CFAP47: variants seen among roughly 807,000 people sequenced by gnomAD.
CFAP47 encodes the protein cilia and flagella associated protein 47.
A neutral mutation model predicts 148.1 loss-of-function variants in CFAP47; 29 were observed. The observed-to-expected ratio is 0.20, with a 90% confidence interval of 0.15 to 0.27. The LOEUF is 0.27. Among genes scored for constraint, CFAP47 ranks in the 10% least tolerant of loss-of-function variants. CFAP47 has a pLI of 1.00. For synonymous variants in CFAP47, 664 were observed against 577.3 expected, an observed-to-expected ratio of 1.15 and a Z score of -2.15; for missense variants, 1,872 against 1,697.5, an observed-to-expected ratio of 1.10 and a Z score of -1.81.
intron 33 of CFAP47, among the ~76,000 whole-genome samples, chrX:36,105,568 A>G (rs1265462478): frequency 8.9e-6 from 1 of 112,134 alleles, no homozygotes; most frequent in South Asian, 3.6e-4. Context: ...GAAAACACCA[A>G]GATTGAAAAA....
At chrX:35,995,727 C>T (rs1408230782) in intron 18 of CFAP47, among the ~76,000 whole-genome samples, 2 of 111,143 alleles carry the variant, frequency 1.8e-5, no homozygotes, top group South Asian at 3.8e-4. Flanking sequence ...TGAAGGCTAA[C>T]GATTCATCAT....
At chrX:36,300,301 T>G (rs1556007570) in intron 52 of CFAP47, among the ~76,000 whole-genome samples, 2 of 109,067 alleles carry the variant, frequency 1.8e-5, no homozygotes, top group Non-Finnish European at 3.8e-5. Flanking sequence ...CTTATTTTTT[T>G]TTTTTTGAGA....
At position 36,364,229 on chromosome X, in the gene CFAP47, A is replaced by G. The variant is rs782214092; in HGVS notation, c.9023+2728A>G. Among the ~76,000 whole-genome samples, 3 of 110,629 alleles carry G rather than the reference A, an allele frequency of 2.7e-5. No homozygotes were observed. In the South Asian group the frequency reaches 1.1e-3, roughly 42 times the overall value. ...TTCTCCTGAAGGGTCCCACATTTTG[A>G]CTCAGCAACTTCTCATTAACTCAAA... is the stretch of plus-strand genomic sequence containing the variant. On this transcript the variant is annotated intron_variant, in intron 61 of 63. Coordinates refer to ENST00000378653, the MANE Select transcript of CFAP47 (RefSeq NM_001304548.2).
chrX:36,176,911 A>T (rs1939690158), intron 39 of CFAP47, among the ~76,000 whole-genome samples: 1 of 112,301 alleles, frequency 8.9e-6, no homozygotes, highest in African/African-American at 3.2e-5. Flanking sequence ...CTAAAAAAAT[A>T]AAAATAAAAA....
At chrX:36,024,531 C>T (rs1028882418) in intron 22 of CFAP47, among the ~76,000 whole-genome samples, 2 of 111,349 alleles carry the variant, frequency 1.8e-5, no homozygotes, top group Non-Finnish European at 3.8e-5. Context: ...GAATTGCTGT[C>T]CATGTGGGCT....
intron 15 of CFAP47, among the ~76,000 whole-genome samples, chrX:35,988,891 T>C (rs781179211): frequency 3.6e-5 from 4 of 112,105 alleles, no homozygotes; most frequent in African/African-American, 6.5e-5. Context: ...TTCTTCCTTC[T>C]GAAAGCTGAA....
In CFAP47 at chrX:36,317,073, G is replaced by A. The variant is rs1482336223; in HGVS notation, c.8345-2136G>A. Among the ~76,000 whole-genome samples, 4 of 111,961 alleles carry A rather than the reference G, an allele frequency of 3.6e-5. No individual in the cohort carries two copies. In the South Asian group the frequency reaches 1.1e-3, roughly 31 times the overall value. On this transcript the variant is annotated intron_variant, in intron 56 of 63. Coordinates refer to ENST00000378653, the MANE Select transcript of CFAP47 (RefSeq NM_001304548.2). ...AATTTCTGGGCTTATGAGCCACTGC[G>A]CCCAGCCCTCAGAGTGAATGTTGGA... is the stretch of plus-strand genomic sequence containing the variant.
chrX:36,037,223 G>A (rs1296914359), intron 24 of CFAP47, among the ~76,000 whole-genome samples: 3 of 111,672 alleles, frequency 2.7e-5, no homozygotes, highest in Admixed American at 9.6e-5. Context: ...AAATGGACTG[G>A]ACTGGTCCAT....
At chrX:35,920,473 T>C (rs932905131) in intron 1 of CFAP47, among the ~76,000 whole-genome samples, 1 of 111,978 alleles carries the variant, frequency 8.9e-6, no homozygotes, top group Non-Finnish European at 1.9e-5. Flanking sequence ...TTATTTCATA[T>C]TTTAACAAAC....
chrX:36,125,281 G>A (rs758393526), intron 33 of CFAP47, among the ~76,000 whole-genome samples: 16 of 111,524 alleles, frequency 1.4e-4, no homozygotes, highest in Non-Finnish European at 2.8e-4. Context: ...AGATGTAGTA[G>A]TGAACAACAG....
intron 33 of CFAP47, among the ~76,000 whole-genome samples, chrX:36,117,312 G>A (rs1352428609): frequency 9.0e-6 from 1 of 111,383 alleles, no homozygotes; most frequent in East Asian, 2.8e-4. Context: ...AATATTTAGG[G>A]TTTTAATGAA....
rs181545960 is a variant in CFAP47 at position 36,242,013 on chromosome X, T to C, written c.7332+5154T>C. Among the ~76,000 whole-genome samples the C allele has an allele frequency of 9.1e-4, 102 of 111,743 alleles. 1 individual carries two copies. The East Asian group carries it at 0.022, about 25-fold the overall frequency. ...AGAGTCACGTGGCTGTGTAAGAGCT[T>C]ATCTACCAGTCATTATTCTTAAGCA... On this transcript the variant is annotated intron_variant, in intron 48 of 63. Coordinates refer to ENST00000378653, the MANE Select transcript of CFAP47 (RefSeq NM_001304548.2).
At position 35,966,607 on chromosome X, in the gene CFAP47, A is replaced by C. The variant is rs1474340849; in HGVS notation, c.1453A>C (p.Lys485Gln). Residue 485 changes from lysine to glutamine, a missense_variant, in exon 9 of 64, where the codon AAA (lysine) becomes CAA (glutamine). Coordinates refer to ENST00000378653, the MANE Select transcript of CFAP47 (RefSeq NM_001304548.2). ...TGTTCCACATCAACTTGGAGTCTTC[A>C]AAGTGAAGCAGATGATAGAGATTAT... The part of the protein sequence containing the change: ...SFVPHQLGVF[K>Q]VKQMIEIIGL... 1 of 1,130,260 alleles carries C rather than the reference A, an allele frequency of 8.8e-7. No individual in the cohort carries two copies. The highest frequency in any genetic ancestry group is 1.2e-6 in the Non-Finnish European group (1 of 849,857). 93.1% of individuals were successfully genotyped at this position (1,130,260 alleles called of 1,213,427 possible). A position where few individuals can be genotyped will look rare whatever the true frequency, so the allele number is the denominator to read the frequency against.
intron 62 of CFAP47, among the ~76,000 whole-genome samples, chrX:36,371,549 GTA>G (rs1162664706): frequency 7.8e-5 from 8 of 102,504 alleles, no homozygotes; most frequent in Middle Eastern, 5.5e-3. Flanking sequence ...ATACATATGT[GTA>G]TATATATGTG....
At chrX:36,088,905 G>T (rs191615403) in intron 30 of CFAP47, among the ~76,000 whole-genome samples, 1 of 111,592 alleles carries the variant, frequency 9.0e-6, no homozygotes, top group East Asian at 2.8e-4. Flanking sequence ...TAACTAAAAA[G>T]TAGACCATCA....
At chrX:36,319,991 A>G (rs1431725123) in intron 57 of CFAP47, among the ~76,000 whole-genome samples, 1 of 110,576 alleles carries the variant, frequency 9.0e-6, no homozygotes, top group African/African-American at 3.3e-5. Flanking sequence ...CCGCATGGCT[A>G]ATTTTTGTAT....
At chrX:36,124,179 C>G (rs1046710971) in intron 33 of CFAP47, among the ~76,000 whole-genome samples, 2 of 111,434 alleles carry the variant, frequency 1.8e-5, no homozygotes, top group Non-Finnish European at 3.8e-5. Context: ...CAGGGTTCTC[C>G]CAACTCTTCC....
intron 39 of CFAP47, among the ~76,000 whole-genome samples, chrX:36,171,275 T>C (rs1051456703): frequency 1.8e-5 from 2 of 109,186 alleles, no homozygotes; most frequent in East Asian, 2.9e-4. Flanking sequence ...GTAGTTTCTT[T>C]TGCTGTGCAG....
chrX:36,080,552 T>A (rs1393792954), intron 29 of CFAP47, among the ~76,000 whole-genome samples: 1 of 111,642 alleles, frequency 9.0e-6, no homozygotes, highest in East Asian at 2.8e-4. Flanking sequence ...AATGATAGAC[T>A]GGATTAAGAA....
Sources: allele counts gnomAD v4.1 joint callset (sites outside exome capture counted in the v4.1 genomes callset), GRCh38; gene constraint gnomAD v4.1.1; transcripts MANE v1.5; gene names NCBI Gene and HGNC (gene_info 2026-07-23, HGNC 2026-07-21).